BRSK1: variants seen among roughly 807,000 people sequenced by gnomAD.
The protein encoded by BRSK1 is BR serine/threonine kinase 1.
Under a neutral mutation model 86.2 loss-of-function variants are expected in BRSK1, and 17 were observed. That is an observed-to-expected ratio of 0.20 (90% CI 0.14 to 0.30). BRSK1 has a LOEUF of 0.30. Among genes scored for constraint, BRSK1 ranks in the 10% least tolerant of loss-of-function variants. The pLI is 1.00. For missense variants in BRSK1, 719 were observed against 1,071.9 expected (o/e 0.67, Z 4.60); for synonymous variants, 464 against 440.1 (o/e 1.05, Z -0.68).
rs1600165334 is a variant in BRSK1, at chr19:55,284,053, A to G, written c.-390A>G. 1.0e-6 allele frequency: 1 copy of G among 978,838 alleles called. No individual in the cohort carries two copies. The highest frequency in any genetic ancestry group is 1.3e-6 in the Non-Finnish European group (1 of 799,126). 60.6% of individuals were successfully genotyped at this position (978,838 alleles called of 1,614,324 possible). A position where few individuals can be genotyped will look rare whatever the true frequency, so the allele number is the denominator to read the frequency against. ...GACGAGGTGGCGGGGGGAGGCGGAG[A>G]GGAGGAGGAGGCGGAGGAGAGAGGG... On this transcript the variant is annotated 5_prime_UTR_variant, in exon 1 of 19. Transcript: ENST00000309383.
intron 1 of BRSK1, among the ~76,000 whole-genome samples, chr19:55,285,796 G>A (rs563532514): frequency 1.3e-5 from 2 of 152,266 alleles, no homozygotes; most frequent in East Asian, 3.9e-4. Context: ...GCCAGAGCTG[G>A]CAGGAGTGGG....
chr19:55,305,228 TGGAACCCTG>T, intron 14 of BRSK1, 84 bp from the exon 15 acceptor site: 4 of 1,519,256 alleles, frequency 2.6e-6, no homozygotes, highest in Non-Finnish European at 2.7e-6. Flanking sequence ...CCCAAGGCTC[TGGAACCCTG>T]GGAGGGGGCG....
chr19:55,303,022 G>A lies in BRSK1; in HGVS notation c.1028+155G>A. On this transcript the variant is annotated intron_variant, in intron 10 of 18. Coordinates refer to ENST00000309383, the MANE Select transcript of BRSK1 (RefSeq NM_032430.2). This position sits in a 1 kb window ranked among gnomAD's most constrained non-coding sequence, Gnocchi z 5.1. ...GAGTGATGGAACCAGCGGAGAAAAC[G>A]GCCCAGAAACACGCTGAGAAAGTAT... is the stretch of plus-strand genomic sequence containing the variant. 1 of 965,794 alleles carries A rather than the reference G, an allele frequency of 1.0e-6. No homozygotes were observed. The highest frequency in any genetic ancestry group is 1.5e-6 in the Non-Finnish European group (1 of 664,698). 59.8% of individuals were successfully genotyped at this position (965,794 alleles called of 1,614,324 possible).
chr19:55,312,103 C>T lies in BRSK1; in HGVS notation c.*35C>T. ...GCCGGGGAGGGAGGGGACCCCCCTC[C>T]ACCCCCCTTCCGTGCCCCCCAACTG... On this transcript the variant is annotated 3_prime_UTR_variant, in exon 19 of 19. Coordinates refer to ENST00000309383, the MANE Select transcript of BRSK1 (RefSeq NM_032430.2). 9.5e-7 allele frequency: 1 copy of T among 1,055,250 alleles called. No individual in the cohort carries two copies. Among genetic ancestry groups the T allele is most frequent in the Non-Finnish European group, 1.3e-6 (1 of 754,476 alleles). 65.4% of individuals were successfully genotyped at this position (1,055,250 alleles called of 1,614,324 possible).
chr19:55,303,012 C>T lies in BRSK1; in HGVS notation c.1028+145C>T, dbSNP rs780150120. On this transcript the variant is annotated intron_variant, in intron 10 of 18. Transcript: ENST00000309383. This position sits in a 1 kb window ranked among gnomAD's most constrained non-coding sequence, Gnocchi z 5.1. ...TCCCGCCTGGGAGTGATGGAACCAG[C>T]GGAGAAAACGGCCCAGAAACACGCT... 1.0e-4 allele frequency: 111 copies of T among 1,061,244 alleles called. No individual in the cohort carries two copies. The highest frequency in any genetic ancestry group is 1.4e-4 in the Non-Finnish European group (106 of 750,740). 65.7% of individuals were successfully genotyped at this position (1,061,244 alleles called of 1,614,324 possible).
intron 1 of BRSK1, among the ~76,000 whole-genome samples, chr19:55,285,967 C>T (rs528572386): frequency 6.8e-6 from 1 of 146,206 alleles, no homozygotes; most frequent in Admixed American, 7.1e-5. Context: ...GGAGGAGGGG[C>T]TGGGCCTGGA....
chr19:55,285,727 T>C (rs1439255733), intron 1 of BRSK1, among the ~76,000 whole-genome samples: 6 of 151,942 alleles, frequency 3.9e-5, no homozygotes, highest in Admixed American at 2.6e-4. Context: ...TCCTGCCGGA[T>C]GGATGGTGGG....
Position 55,287,198 on chromosome 19 carries a change from C to G in BRSK1, c.232-16C>G. ...CTGACCTCTTTTCCCGTGTCCCCAC[C>G]CCTCTTGACCCTCAGGTGGAGCGGG... On this transcript the variant is annotated splice_polypyrimidine_tract_variant and intron_variant, in intron 2 of 18. Transcript: ENST00000309383. This position sits in a 1 kb window ranked among gnomAD's most constrained non-coding sequence, Gnocchi z 5.3. 7 of 1,613,930 alleles carry G rather than the reference C, an allele frequency of 4.3e-6. No individual in the cohort carries two copies. The highest frequency in any genetic ancestry group is 5.9e-6 in the Non-Finnish European group (7 of 1,179,854).
Position 55,287,047 on chromosome 19 carries a change from G to A in BRSK1, c.177G>A (p.Lys59=), listed in dbSNP as rs1181170185. The change falls in exon 2 of 19, where the codon AAG becomes AAA. Residue 59 remains lysine (K), a synonymous_variant. Coordinates refer to ENST00000309383, the MANE Select transcript of BRSK1 (RefSeq NM_032430.2). The surrounding 1 kb of genome is among the most constrained non-coding windows in gnomAD (Gnocchi z 5.3). ...KLGVHCITGQ[K]VAIKIVNREK... ...GGGTCCACTGCATCACGGGTCAGAA[G>A]GTCGCCATCAAGATCGTGAACCGGG... The A allele has an allele frequency of 6.2e-7, 1 of 1,613,986 alleles. No homozygotes were observed. The highest frequency in any genetic ancestry group is 1.1e-5 in the South Asian group (1 of 91,084).
chr19:55,302,635 T>C lies in BRSK1; in HGVS notation c.858-62T>C. On this transcript the variant is annotated intron_variant, in intron 9 of 18. Transcript: ENST00000309383. The surrounding 1 kb of genome is among the most constrained non-coding windows in gnomAD (Gnocchi z 6.3). ...TTTCGGGGTCCGGGATCATTGAGTC[T>C]AGAATGAAGAATGCTGAATCTCAGA... 1 of 1,556,586 alleles carries C rather than the reference T, an allele frequency of 6.4e-7. No individual in the cohort carries two copies. The highest frequency in any genetic ancestry group is 8.7e-7 in the Non-Finnish European group (1 of 1,146,540).
Position 55,304,764 on chromosome 19 carries a change from C to G in BRSK1, c.1561C>G (p.Leu521Val). 1 of 1,545,944 alleles carries G rather than the reference C, an allele frequency of 6.5e-7. No homozygotes were observed. Among genetic ancestry groups the G allele is most frequent in the African/African-American group, 1.4e-5 (1 of 73,060 alleles). ...TGGCGGGACCCCCTTGCACTCGCCT[C>G]TGCACACGCCCCGGGCCAGTCCCAC... ...SSGGTPLHSP[L>V]HTPRASPTGT... The change falls in exon 14 of 19, where the codon CTG (leucine) becomes GTG (valine). Residue 521 changes from leucine to valine, a missense_variant. Around this residue, in one of 6 missense-constraint regions of BRSK1, gnomAD observed 143 missense variants for 120.1 expected, o/e 1.19. Transcript: ENST00000309383. This position sits in a 1 kb window ranked among gnomAD's most constrained non-coding sequence, Gnocchi z 5.2.
At chr19:55,300,992 G>A (rs769662120) in intron 7 of BRSK1, among the ~76,000 whole-genome samples, 4 of 151,754 alleles carry the variant, frequency 2.6e-5, no homozygotes, top group African/African-American at 7.2e-5. Context: ...CTCTGCCTCC[G>A]TCATCACATG....
rs748324095 is a variant in BRSK1, at chr19:55,312,081, G to A, written c.*13G>A. ...CCCTCTGCCCTGACCCCACGGGGCC[G>A]GGGAGGGAGGGGACCCCCCTCCACC... On this transcript the variant is annotated 3_prime_UTR_variant, in exon 19 of 19. Coordinates refer to ENST00000309383, the MANE Select transcript of BRSK1 (RefSeq NM_032430.2). The A allele has an allele frequency of 4.0e-5, 56 of 1,392,114 alleles. No individual in the cohort carries two copies. The highest frequency in any genetic ancestry group is 2.4e-4 in the Middle Eastern group (1 of 4,210). 86.2% of individuals were successfully genotyped at this position (1,392,114 alleles called of 1,614,324 possible).
In BRSK1 at chr19:55,284,161, A is replaced by G. The variant is rs1568976708; in HGVS notation, c.-282A>G. On this transcript the variant is annotated 5_prime_UTR_variant, in exon 1 of 19. Coordinates refer to ENST00000309383, the MANE Select transcript of BRSK1 (RefSeq NM_032430.2). ...CCCCCCCGGCGGGGGGAGGCGCAGG[A>G]AGCGGGGGGCCGGCCAGAAACGGGC... 2.9e-6 allele frequency: 3 copies of G among 1,030,282 alleles called. No individual in the cohort carries two copies. Among genetic ancestry groups the G allele is most frequent in the Non-Finnish European group, 2.5e-6 (2 of 808,570 alleles). 63.8% of individuals were successfully genotyped at this position (1,030,282 alleles called of 1,614,324 possible).
rs1373444533 is a variant in BRSK1, at chr19:55,303,975, A to C, written c.1287-75A>C. 16 of 1,538,778 alleles carry C rather than the reference A, an allele frequency of 1.0e-5. No homozygotes were observed. Among genetic ancestry groups the C allele is most frequent in the Non-Finnish European group, 1.4e-5 (16 of 1,139,498 alleles). On this transcript the variant is annotated intron_variant, in intron 12 of 18. Coordinates refer to ENST00000309383, the MANE Select transcript of BRSK1 (RefSeq NM_032430.2). The surrounding 1 kb of genome is among the most constrained non-coding windows in gnomAD (Gnocchi z 5.1). ...TCATTTCCTCACCTGGAAGGACTGT[A>C]GAAGTGAGGGAACATCTGTGGTTTT...
chr19:55,284,116 C>A lies in BRSK1; in HGVS notation c.-327C>A. Reference sequence around the variant, plus strand: ...CGGGGGGGACCTCGGCCTGCAGCATCCGCCGGCCCGCACCTCAGACCCCCC... The same window carrying A: ...CGGGGGGGACCTCGGCCTGCAGCATACGCCGGCCCGCACCTCAGACCCCCC... On this transcript the variant is annotated 5_prime_UTR_variant, in exon 1 of 19. Transcript: ENST00000309383. 1.7e-6 allele frequency: 2 copies of A among 1,200,364 alleles called. No homozygotes were observed. Among genetic ancestry groups the A allele is most frequent in the East Asian group, 3.2e-5 (1 of 31,338 alleles). 74.4% of individuals were successfully genotyped at this position (1,200,364 alleles called of 1,614,324 possible).
rs1395855591 is a variant in BRSK1, at chr19:55,302,706, A to G, written c.867A>G (p.Lys289=). The G allele has an allele frequency of 3.7e-6, 6 of 1,606,144 alleles. No individual in the cohort carries two copies. In the African/African-American group the frequency reaches 6.7e-5, roughly 18 times the overall value. ...IQKHPWYLGG[K]HEPDPCLEPA... is the part of the protein sequence containing the mutation. The stretch of plus-strand genomic sequence containing the variant: ...TTCTCCACTTCCCCAGAGGCGGGAA[A>G]CACGAGCCAGACCCGTGCCTGGAGC... Residue 289 remains lysine, a synonymous_variant, in exon 10 of 19, where the codon AAA becomes AAG. Transcript: ENST00000309383. This position sits in a 1 kb window ranked among gnomAD's most constrained non-coding sequence, Gnocchi z 6.3.
chr19:55,284,350 G>A lies in BRSK1; in HGVS notation c.-93G>A. On this transcript the variant is annotated 5_prime_UTR_variant, in exon 1 of 19. Transcript: ENST00000309383. ...AGGTGGGGGGCAGCCGGGGGGGCCG[G>A]GACGGAGCGGTCGCCGGCCCCCACC... 1.1e-6 allele frequency: 1 copy of A among 916,370 alleles called. No homozygotes were observed. The highest frequency in any genetic ancestry group is 1.4e-6 in the Non-Finnish European group (1 of 693,652). The allele number at this position is 916,370 out of a possible 1,614,324, so 56.8% of individuals were successfully genotyped here.
Position 55,303,103 on chromosome 19 carries a change from G to A in BRSK1, c.1029-208G>A. The A allele has an allele frequency of 1.6e-6, 1 of 634,920 alleles. No homozygotes were observed. The highest frequency in any genetic ancestry group is 2.7e-5 in the East Asian group (1 of 36,470). 39.3% of individuals were successfully genotyped at this position (634,920 alleles called of 1,614,324 possible). A position where few individuals can be genotyped will look rare whatever the true frequency, so the allele number is the denominator to read the frequency against. On this transcript the variant is annotated intron_variant, in intron 10 of 18. Coordinates refer to ENST00000309383, the MANE Select transcript of BRSK1 (RefSeq NM_032430.2). The surrounding 1 kb of genome is among the most constrained non-coding windows in gnomAD (Gnocchi z 5.1). The stretch of plus-strand genomic sequence containing the variant: ...TACATAGTACTTACAAATAGTTCTT[G>A]CCTGGATGTTAGGTGTTACAGTGTT...
Sources: gnomAD v4.1 joint callset for allele counts (sites outside exome capture counted in the v4.1 genomes callset) on GRCh38, gnomAD v4.1.1 for gene constraint, gnomAD v4.1.1 regional missense constraint, Gnocchi (gnomAD v3.1) non-coding constraint, MANE v1.5 for transcripts, NCBI Gene and HGNC (gene_info 2026-07-23, HGNC 2026-07-21) for gene names.